TBC1D32: variants seen among roughly 807,000 people sequenced by gnomAD.
TBC1D32 encodes protein broad-minded.
A neutral mutation model predicts 170.3 loss-of-function variants in TBC1D32; 151 were observed. That is an observed-to-expected ratio of 0.89 (90% CI 0.78 to 1.01). The LOEUF (loss-of-function observed/expected upper bound fraction) is 1.01. Ranked by LOEUF, TBC1D32 falls within the 50% of genes least tolerant of loss-of-function variation. The probability of loss-of-function intolerance (pLI) is 0.00; values close to 1 mark genes in which losing one functional copy is unlikely to be tolerated. For synonymous variants in TBC1D32, 498 were observed against 488.0 expected (o/e 1.02, Z -0.27); for missense variants, 1,464 against 1,457.1 (o/e 1.00, Z -0.08).
intron 25 of TBC1D32, among the ~76,000 whole-genome samples, chr6:121,131,068 G>C (rs1165747394): frequency 1.3e-5 from 2 of 151,806 alleles, no homozygotes; most frequent in Non-Finnish European, 2.9e-5. Context: ...AGCTTATATT[G>C]ACATTAGAAC....
intron 24 of TBC1D32, among the ~76,000 whole-genome samples, chr6:121,157,286 G>C (rs1194706793): frequency 6.6e-6 from 1 of 152,064 alleles, no homozygotes; most frequent in Non-Finnish European, 1.5e-5. Context: ...CTTCCTGGTT[G>C]TTGTTGGTTA....
intron 2 of TBC1D32, among the ~76,000 whole-genome samples, chr6:121,320,546 T>C (rs190380067): frequency 6.6e-6 from 1 of 152,246 alleles, no homozygotes; most frequent in East Asian, 1.9e-4. Flanking sequence ...AGGAATTATA[T>C]TATCCAAAGA....
chr6:121,224,146 C>A (rs551261006), intron 20 of TBC1D32, among the ~76,000 whole-genome samples: 1 of 152,138 alleles, frequency 6.6e-6, no homozygotes. Context: ...TCAATCAAAT[C>A]TGCCTGTGGT....
chr6:121,241,353 A>C, intron 19 of TBC1D32, 112 bp downstream of exon 19: 1 of 913,436 alleles, frequency 1.1e-6, no homozygotes, highest in Non-Finnish European at 1.6e-6. Flanking sequence ...ACTTAGTAAA[A>C]AGAATTTTAG....
At chr6:121,173,272 A>C (rs1482221043) in intron 22 of TBC1D32, among the ~76,000 whole-genome samples, 1 of 152,152 alleles carries the variant, frequency 6.6e-6, no homozygotes, top group African/African-American at 2.4e-5. Flanking sequence ...CAAGTTCTTC[A>C]GCTTTGGGAC....
At chr6:121,115,077 ATAGT>A (rs1209074920) in intron 27 of TBC1D32, 91 bp downstream of exon 27, 4 of 895,152 alleles carry the variant, frequency 4.5e-6, no homozygotes, top group East Asian at 2.8e-5. Context: ...AGTATACAAA[ATAGT>A]TGGTTGTTAA....
intron 9 of TBC1D32, among the ~76,000 whole-genome samples, chr6:121,301,148 T>G (rs1446468476): frequency 6.6e-6 from 1 of 152,194 alleles, no homozygotes; most frequent in Non-Finnish European, 1.5e-5. Context: ...CTCAAGGATC[T>G]AGAACTAGAA....
At chr6:121,082,066 G>C (rs1399263801) in intron 31 of TBC1D32, among the ~76,000 whole-genome samples, 2 of 152,016 alleles carry the variant, frequency 1.3e-5, no homozygotes, top group Non-Finnish European at 2.9e-5. Flanking sequence ...AGATAATTGT[G>C]AAATTATTTC....
chr6:121,196,667 C>T (rs1790776190), intron 22 of TBC1D32, among the ~76,000 whole-genome samples: 1 of 152,174 alleles, frequency 6.6e-6, no homozygotes, highest in Non-Finnish European at 1.5e-5. Context: ...ACTGGTCTTA[C>T]AATGTTCCTC....
chr6:121,180,569 T>C (rs906149980), intron 22 of TBC1D32, among the ~76,000 whole-genome samples: 3 of 152,082 alleles, frequency 2.0e-5, no homozygotes, highest in African/African-American at 7.2e-5. Flanking sequence ...ACTAGATCTT[T>C]CACCATATGA....
At chr6:121,162,465 T>C (rs904202996) in intron 22 of TBC1D32, among the ~76,000 whole-genome samples, 2 of 152,156 alleles carry the variant, frequency 1.3e-5, no homozygotes, top group Non-Finnish European at 2.9e-5. Flanking sequence ...GAGCAAAAGC[T>C]GTGAGCATTA....
intron 15 of TBC1D32, among the ~76,000 whole-genome samples, chr6:121,277,547 A>G (rs1802400298): frequency 6.6e-6 from 1 of 151,462 alleles, no homozygotes; most frequent in Non-Finnish European, 1.5e-5. Flanking sequence ...GAAAATAAAA[A>G]TATTTTGAAC....
intron 14 of TBC1D32, 45 bp downstream of exon 14, chr6:121,281,499 T>C (rs1802970085): frequency 2.6e-6 from 4 of 1,526,138 alleles, no homozygotes; most frequent in African/African-American, 2.8e-5. Context: ...TATCCACTAA[T>C]ACCCAGGTAA....
At chr6:121,241,376 G>T in intron 19 of TBC1D32, 89 bp downstream of exon 19, 3 of 1,067,448 alleles carry the variant, frequency 2.8e-6, no homozygotes, top group Non-Finnish European at 4.1e-6. Flanking sequence ...TAAATATCCT[G>T]ATACTTAATT....
chr6:121,249,973 GA>G (rs34265010), intron 17 of TBC1D32, among the ~76,000 whole-genome samples: 2 of 150,358 alleles, frequency 1.3e-5, no homozygotes, highest in Non-Finnish European at 3.0e-5. Flanking sequence ...CACAAAACTA[GA>G]AAAAAAAATC....
intron 24 of TBC1D32, among the ~76,000 whole-genome samples, chr6:121,146,218 G>A (rs1783428386): frequency 6.6e-6 from 1 of 152,186 alleles, no homozygotes. Flanking sequence ...TATAGAGGCT[G>A]ATGAGTCCAA....
chr6:121,104,937 A>G (rs1196328433), intron 30 of TBC1D32, among the ~76,000 whole-genome samples: 2 of 151,888 alleles, frequency 1.3e-5, no homozygotes, highest in Non-Finnish European at 2.9e-5. Context: ...TATGTAGTAT[A>G]TACAGAAATA....
At chr6:121,109,535 A>AT (rs1779005481) in intron 29 of TBC1D32, among the ~76,000 whole-genome samples, 4 of 152,072 alleles carry the variant, frequency 2.6e-5, no homozygotes, top group Admixed American at 2.6e-4. Flanking sequence ...TAATTTCCTG[A>AT]TTTTTTAAAA....
chr6:121,131,024 C>G (rs1412192507), intron 25 of TBC1D32, among the ~76,000 whole-genome samples: 1 of 151,980 alleles, frequency 6.6e-6, no homozygotes, highest in Non-Finnish European at 1.5e-5. Flanking sequence ...ATAAAGTACA[C>G]AATACCTTTT....
Sources: allele counts gnomAD v4.1 joint callset (sites outside exome capture counted in the v4.1 genomes callset), GRCh38; gene constraint gnomAD v4.1.1; transcripts MANE v1.5; gene names NCBI Gene and HGNC (gene_info 2026-07-23, HGNC 2026-07-21).